The following PARD3 variants were observed in gnomAD, a reference collection of about 807,000 sequenced individuals.
The protein encoded by PARD3 is par-3 family cell polarity regulator.
In PARD3, 75 loss-of-function variants were observed where a neutral mutation model predicts 155.4. The observed-to-expected ratio is 0.48, with a 90% CI of 0.40 to 0.58. The LOEUF (loss-of-function observed/expected upper bound fraction) is 0.58, where lower values mean the gene tolerates loss of function less well. Ranked by LOEUF, PARD3 falls within the 20% of genes least tolerant of loss-of-function variation. PARD3 has a pLI of 0.00. For synonymous variants in PARD3, 576 were observed against 610.5 expected, an observed-to-expected ratio of 0.94 and a Z score of 0.83; for missense variants, 1,642 against 1,721.7, an observed-to-expected ratio of 0.95 and a Z score of 0.82.
intron 2 of PARD3, among the ~76,000 whole-genome samples, chr10:34,582,210 T>G (rs1303458140): frequency 6.6e-6 from 1 of 152,208 alleles, no homozygotes; most frequent in Non-Finnish European, 1.5e-5. Flanking sequence ...TTCTGGAATT[T>G]TCTTCCATTC....
At chr10:34,148,755 G>A (rs565612006) in intron 22 of PARD3, among the ~76,000 whole-genome samples, 1 of 146,826 alleles carries the variant, frequency 6.8e-6, no homozygotes, top group African/African-American at 2.4e-5. Flanking sequence ...TATGGATTCA[G>A]TTAAGGTGTT....
intron 21 of PARD3, among the ~76,000 whole-genome samples, chr10:34,275,502 T>G (rs1955831173): frequency 6.6e-6 from 1 of 152,210 alleles, no homozygotes; most frequent in Non-Finnish European, 1.5e-5. Context: ...CACTGTGATT[T>G]TCATAAATTT....
At chr10:34,271,043 AC>A (rs1328496252) in intron 21 of PARD3, among the ~76,000 whole-genome samples, 14 of 152,202 alleles carry the variant, frequency 9.2e-5, no homozygotes, top group Admixed American at 3.3e-4. Flanking sequence ...TTATATACTT[AC>A]AAATTTAAGT....
chr10:34,372,493 C>T lies in PARD3; in HGVS notation c.1707+5G>A. On this transcript the variant is annotated splice_donor_5th_base_variant and intron_variant, in intron 12 of 24. Coordinates refer to ENST00000374788, the MANE Select transcript of PARD3 (RefSeq NM_001184785.2). ...TCTGCATCCTTCAAAAGACAAAGCT[C>T]TTACCGTTTCTTTTGGAATCTGCAT... The T allele has an allele frequency of 6.2e-7, 1 of 1,605,860 alleles. No individual in the cohort carries two copies. Among genetic ancestry groups the T allele is most frequent in the East Asian group, 2.2e-5 (1 of 44,770 alleles).
Position 34,565,260 on chromosome 10 carries a change from C to CTTTTTT in PARD3, c.223-48107_223-48102dup, listed in dbSNP as rs59606413. Among the ~76,000 whole-genome samples the CTTTTTT allele has an allele frequency of 1.7e-3, 69 of 39,670 alleles. 14 individuals are homozygous for CTTTTTT. The highest frequency in any genetic ancestry group is 6.1e-3 in the African/African-American group (55 of 9,066). The allele number at this position is 39,670 out of a possible 152,430, so 26.0% of individuals were successfully genotyped here. A position where few individuals can be genotyped will look rare whatever the true frequency, so the allele number is the denominator to read the frequency against. ...TCAGATAAAAGACAAAGGAGCAAGG[C>CTTTTTT]TTTTTTTTTTTTTTTTTTTTTTTTT... On this transcript the variant is annotated intron_variant, in intron 2 of 24. Transcript: ENST00000374788.
intron 2 of PARD3, among the ~76,000 whole-genome samples, chr10:34,693,317 C>G (rs2094105079): frequency 6.6e-6 from 1 of 152,188 alleles, no homozygotes; most frequent in African/African-American, 2.4e-5. Flanking sequence ...CATCACAACA[C>G]TATTCACAAT....
intron 20 of PARD3, chr10:34,312,437 AG>A: frequency 6.3e-7 from 1 of 1,584,952 alleles, no homozygotes; most frequent in Non-Finnish European, 8.7e-7. Flanking sequence ...GAAAGCAACA[AG>A]AATCTGTGTT....
chr10:34,512,181 G>T (rs1425609666), intron 3 of PARD3, among the ~76,000 whole-genome samples: 1 of 152,140 alleles, frequency 6.6e-6, no homozygotes, highest in African/African-American at 2.4e-5. Flanking sequence ...TTTATTAGCT[G>T]AAATACTTAC....
At chr10:34,124,795 C>A (rs1947188056) in intron 23 of PARD3, among the ~76,000 whole-genome samples, 1 of 152,152 alleles carries the variant, frequency 6.6e-6, no homozygotes, top group Admixed American at 6.6e-5. Flanking sequence ...TTATCCCCGC[C>A]CCCATCTTAA....
chr10:34,511,231 T>G (rs2081380075), intron 3 of PARD3, among the ~76,000 whole-genome samples: 1 of 152,222 alleles, frequency 6.6e-6, no homozygotes, highest in Non-Finnish European at 1.5e-5. Flanking sequence ...TTTAGAAGTC[T>G]GATCAGATTC....
chr10:34,799,979 A>G (rs1842696704), intron 1 of PARD3, among the ~76,000 whole-genome samples: 1 of 152,076 alleles, frequency 6.6e-6, no homozygotes, highest in Admixed American at 6.6e-5. Flanking sequence ...ATAAAAATAA[A>G]TTAACTAGGC....
chr10:34,203,298 C>T (rs917171240), intron 22 of PARD3, among the ~76,000 whole-genome samples: 4 of 152,224 alleles, frequency 2.6e-5, no homozygotes, highest in African/African-American at 7.2e-5. Context: ...ATAGCTCACA[C>T]AGAGAAACTC....
chr10:34,288,509 A>G (rs1370738536), intron 20 of PARD3, among the ~76,000 whole-genome samples: 1 of 152,210 alleles, frequency 6.6e-6, no homozygotes, highest in African/African-American at 2.4e-5. Context: ...CTAATAGCCA[A>G]TATTACTGTA....
chr10:34,295,895 T>C (rs937003563), intron 20 of PARD3, among the ~76,000 whole-genome samples: 2 of 152,222 alleles, frequency 1.3e-5, no homozygotes, highest in East Asian at 3.9e-4. Flanking sequence ...AGATGTACCC[T>C]GCCTTAAAAT....
chr10:34,156,763 C>T (rs1180298540), intron 22 of PARD3, among the ~76,000 whole-genome samples: 2 of 152,140 alleles, frequency 1.3e-5, no homozygotes, highest in East Asian at 3.9e-4. Context: ...CTTCCATGCT[C>T]TTCTCATGAG....
chr10:34,143,480 C>A (rs564672222), intron 22 of PARD3, among the ~76,000 whole-genome samples: 19 of 152,276 alleles, frequency 1.2e-4, no homozygotes, highest in East Asian at 9.7e-4. Flanking sequence ...TATTTTAATT[C>A]TTTAATCATG....
At chr10:34,468,933 T>C (rs533192311) in intron 4 of PARD3, among the ~76,000 whole-genome samples, 1 of 152,350 alleles carries the variant, frequency 6.6e-6, no homozygotes, top group South Asian at 2.1e-4. Flanking sequence ...CATTTCTCAA[T>C]ATATACTGTG....
intron 16 of PARD3, among the ~76,000 whole-genome samples, chr10:34,340,759 CCTAT>C (rs1321543970): frequency 6.6e-6 from 1 of 152,114 alleles, no homozygotes; most frequent in Non-Finnish European, 1.5e-5. Flanking sequence ...CCAGACACCT[CCTAT>C]CTAATATTTA....
chr10:34,575,058 T>C (rs903624298), intron 2 of PARD3, among the ~76,000 whole-genome samples: 2 of 152,024 alleles, frequency 1.3e-5, no homozygotes, highest in Non-Finnish European at 2.9e-5. Flanking sequence ...AGTGGCCCAA[T>C]CATAGCTCAT....
Sources: gnomAD v4.1 joint callset for allele counts (sites outside exome capture counted in the v4.1 genomes callset) on GRCh38, gnomAD v4.1.1 for gene constraint, MANE v1.5 for transcripts, NCBI Gene and HGNC (gene_info 2026-07-23, HGNC 2026-07-21) for gene names.